CEMIP: variants seen among roughly 807,000 people sequenced by gnomAD.
CEMIP encodes cell migration inducing hyaluronidase 1.
CEMIP carries 105 observed loss-of-function variants against 156.9 expected under a neutral mutation model. The ratio of observed to expected loss-of-function variants is 0.67; its 90% CI spans 0.57 to 0.79. The LOEUF is 0.79. CEMIP is among the 30% of genes least tolerant of loss of function. CEMIP has a pLI of 0.00. For missense variants in CEMIP, 1,457 were observed against 1,769.4 expected, an observed-to-expected ratio of 0.82 and a Z score of 3.17; for synonymous variants, 676 against 668.4, an observed-to-expected ratio of 1.01 and a Z score of -0.17.
chr15:80,923,966 C>T (rs539447537), intron 17 of CEMIP, among the ~76,000 whole-genome samples: 1 of 152,162 alleles, frequency 6.6e-6, no homozygotes, highest in African/African-American at 2.4e-5. Context: ...ACAGTGCCCT[C>T]CAGTTATCTA....
intron 1 of CEMIP, among the ~76,000 whole-genome samples, chr15:80,871,322 T>C (rs1440977893): frequency 2.6e-5 from 4 of 152,194 alleles, no homozygotes; most frequent in African/African-American, 4.8e-5. Context: ...GACAGCTGGC[T>C]CTGAGACATA....
intron 1 of CEMIP, among the ~76,000 whole-genome samples, chr15:80,834,554 G>A (rs1004801319): frequency 1.3e-5 from 2 of 152,264 alleles, no homozygotes; most frequent in South Asian, 2.1e-4. Context: ...TTATTGCCCT[G>A]GGGAGCCACA....
intron 1 of CEMIP, among the ~76,000 whole-genome samples, chr15:80,834,682 G>A (rs1897233064): frequency 6.6e-6 from 1 of 152,194 alleles, no homozygotes; most frequent in Non-Finnish European, 1.5e-5. Context: ...TTTAGCATAT[G>A]TCTTGAAATC....
intron 14 of CEMIP, among the ~76,000 whole-genome samples, chr15:80,919,038 A>G (rs1345308908): frequency 6.6e-6 from 1 of 152,194 alleles, no homozygotes; most frequent in Non-Finnish European, 1.5e-5. Flanking sequence ...CTGAAACTGC[A>G]TCCCTGGTAT....
At chr15:80,891,181 C>T (rs1899022106) in intron 10 of CEMIP, among the ~76,000 whole-genome samples, 1 of 152,240 alleles carries the variant, frequency 6.6e-6, no homozygotes. Flanking sequence ...ACATGGTCTA[C>T]AAATCTTTCC....
intron 1 of CEMIP, among the ~76,000 whole-genome samples, chr15:80,870,322 C>T (rs1371675628): frequency 6.6e-6 from 1 of 152,222 alleles, no homozygotes; most frequent in African/African-American, 2.4e-5. Flanking sequence ...CGCCTCCTGC[C>T]TTACAGCTTA....
Position 80,864,957 on chromosome 15 carries a change from A to G in CEMIP, c.-175-8581A>G, listed in dbSNP as rs551507687. On this transcript the variant is annotated intron_variant, in intron 1 of 29. Coordinates refer to ENST00000394685, the MANE Select transcript of CEMIP (RefSeq NM_001293298.2). ...AACAGGTAGTGTGATGCTGCTGTTC[A>G]GGGAATACCACCGTGAGAACTGTCA... Among the ~76,000 whole-genome samples, 86 of 152,220 alleles carry G rather than the reference A, an allele frequency of 5.6e-4. 1 individual carries two copies. The Middle Eastern group carries it at 0.01, about 18-fold the overall frequency.
chr15:80,917,994 G>A (rs956296988), intron 14 of CEMIP, among the ~76,000 whole-genome samples: 1 of 152,182 alleles, frequency 6.6e-6, no homozygotes, highest in Non-Finnish European at 1.5e-5. Flanking sequence ...AAGACCCTGG[G>A]CCAGGTGCAG....
At chr15:80,791,494 T>C (rs1482615198) in intron 1 of CEMIP, among the ~76,000 whole-genome samples, 2 of 152,106 alleles carry the variant, frequency 1.3e-5, no homozygotes, top group Non-Finnish European at 1.5e-5. Flanking sequence ...AGAGAGAAGA[T>C]TAAATCAGGG....
chr15:80,916,038 T>G (rs1278136445), intron 14 of CEMIP, among the ~76,000 whole-genome samples: 1 of 152,194 alleles, frequency 6.6e-6, no homozygotes, highest in Non-Finnish European at 1.5e-5. Context: ...CAGAAACAAG[T>G]AAAGTTCACT....
intron 1 of CEMIP, among the ~76,000 whole-genome samples, chr15:80,831,313 G>A (rs976470620): frequency 6.6e-6 from 1 of 152,178 alleles, no homozygotes; most frequent in African/African-American, 2.4e-5. Flanking sequence ...ATGGGTGGCT[G>A]GGGGATTGGG....
rs756679958 is a variant in CEMIP, at chr15:80,932,050, C to T, written c.2793+11C>T. 35 of 1,612,016 alleles carry T rather than the reference C, an allele frequency of 2.2e-5. No homozygotes were observed. In the African/African-American group the frequency reaches 2.7e-4, roughly 12 times the overall value. On this transcript the variant is annotated intron_variant, in intron 22 of 29. Transcript: ENST00000394685. The surrounding 1 kb of genome is among the most constrained non-coding windows in gnomAD (Gnocchi z 4.5). ...TTTGAGGACGTTCCGGTGAGTGAGG[C>T]GCCAGGGCAGACTCCCGGCAAACCC...
intron 1 of CEMIP, among the ~76,000 whole-genome samples, chr15:80,788,555 C>G (rs957666729): frequency 6.6e-6 from 1 of 151,930 alleles, no homozygotes; most frequent in Non-Finnish European, 1.5e-5. Flanking sequence ...TTATGACAAG[C>G]CTATTTCAAA....
Position 80,873,916 on chromosome 15 carries a change from G to A in CEMIP, c.37G>A (p.Ala13Thr). The A allele has an allele frequency of 6.3e-7, 1 of 1,582,036 alleles. No homozygotes were observed. Among genetic ancestry groups the A allele is most frequent in the Non-Finnish European group, 8.6e-7 (1 of 1,162,338 alleles). ...TGGGAGGCAGGACTTCCTCTTCAAG[G>A]CCATGCTGACCATCAGCTGGCTCAC... ...AAGRQDFLFK[A>T]MLTISWLTLT... The change falls in exon 3 of 30, where the codon GCC (alanine) becomes ACC (threonine). Residue 13 changes from alanine to threonine, a missense_variant. By Grantham distance (58) the Ala-to-Thr change is moderately conservative. Coordinates refer to ENST00000394685, the MANE Select transcript of CEMIP (RefSeq NM_001293298.2).
At chr15:80,843,041 C>T (rs543476803) in intron 1 of CEMIP, among the ~76,000 whole-genome samples, 1 of 152,194 alleles carries the variant, frequency 6.6e-6, no homozygotes, top group Non-Finnish European at 1.5e-5. Flanking sequence ...CTGGACCATA[C>T]AAGGTGACCT....
intron 1 of CEMIP, among the ~76,000 whole-genome samples, chr15:80,872,520 C>T (rs1596147563): frequency 2.6e-5 from 4 of 151,600 alleles, no homozygotes; most frequent in African/African-American, 7.3e-5. Flanking sequence ...TAAATAAAAT[C>T]GAAGTTTAAT....
intron 1 of CEMIP, among the ~76,000 whole-genome samples, chr15:80,848,132 A>T (rs763766185): frequency 1.3e-5 from 2 of 152,246 alleles, no homozygotes; most frequent in African/African-American, 2.4e-5. Context: ...GTAATTTATC[A>T]GAAAGCCTGG....
At chr15:80,935,328 G>A (rs1901078675) in intron 23 of CEMIP, among the ~76,000 whole-genome samples, 1 of 152,132 alleles carries the variant, frequency 6.6e-6, no homozygotes, top group South Asian at 2.1e-4. Context: ...TCAGCTCAAG[G>A]TCTAGGTATC....
intron 28 of CEMIP, among the ~76,000 whole-genome samples, chr15:80,945,020 T>C (rs1201600129): frequency 6.6e-6 from 1 of 152,190 alleles, no homozygotes; most frequent in Non-Finnish European, 1.5e-5. Flanking sequence ...AGGTAGATCC[T>C]GTTCTACTGT....
Sources: gnomAD v4.1 joint callset for allele counts (sites outside exome capture counted in the v4.1 genomes callset) on GRCh38, gnomAD v4.1.1 for gene constraint, Gnocchi (gnomAD v3.1) non-coding constraint, MANE v1.5 for transcripts, NCBI Gene and HGNC (gene_info 2026-07-23, HGNC 2026-07-21) for gene names.